The following UVRAG variants were observed in gnomAD, a reference collection of about 807,000 sequenced individuals.
The protein encoded by UVRAG is UV radiation resistance-associated gene protein.
Under a neutral mutation model 78.0 loss-of-function variants are expected in UVRAG, and 19 were observed. That is an observed-to-expected ratio of 0.24 (90% confidence interval 0.17 to 0.36). The LOEUF (loss-of-function observed/expected upper bound fraction) is 0.36. Ranked by LOEUF, UVRAG falls within the 10% of genes least tolerant of loss-of-function variation. The probability of loss-of-function intolerance (pLI) is 1.00; values close to 1 mark genes in which losing one functional copy is unlikely to be tolerated. For missense variants in UVRAG, 740 were observed against 853.8 expected (o/e 0.87, Z 1.66); for synonymous variants, 323 against 324.6 (o/e 1.00, Z 0.05).
intron 8 of UVRAG, among the ~76,000 whole-genome samples, chr11:75,989,199 C>T (rs1303694518): frequency 6.6e-6 from 1 of 152,044 alleles, no homozygotes; most frequent in African/African-American, 2.4e-5. Context: ...GGATTACAGG[C>T]GTGTACCACC....
At position 76,080,790 on chromosome 11, in the gene UVRAG, A is replaced by C. The variant is rs557557352; in HGVS notation, c.1305+15002A>C. Among the ~76,000 whole-genome samples, 14 of 152,306 alleles carry C rather than the reference A, an allele frequency of 9.2e-5. No individual in the cohort carries two copies. In the South Asian group the frequency reaches 2.9e-3, roughly 32 times the overall value. On this transcript the variant is annotated intron_variant, in intron 13 of 14. Transcript: ENST00000356136. The stretch of plus-strand genomic sequence containing the variant: ...TTGACAAAATCAGTGTTATTTTTTC[A>C]TACTTTGTAAAACACAGCTATATTC...
At chr11:75,968,451 T>A (rs1431488207) in intron 7 of UVRAG, among the ~76,000 whole-genome samples, 1 of 152,188 alleles carries the variant, frequency 6.6e-6, no homozygotes, top group Non-Finnish European at 1.5e-5. Flanking sequence ...TAGAACTAGA[T>A]CCCACATGGG....
chr11:75,966,390 G>A (rs1026343286), intron 7 of UVRAG, among the ~76,000 whole-genome samples: 1 of 152,148 alleles, frequency 6.6e-6, no homozygotes, highest in East Asian at 1.9e-4. Flanking sequence ...GATTATGGTA[G>A]CCTGGTAAAA....
At chr11:75,925,181 G>A (rs570495903) in intron 6 of UVRAG, among the ~76,000 whole-genome samples, 2 of 152,268 alleles carry the variant, frequency 1.3e-5, no homozygotes, top group South Asian at 4.1e-4. Flanking sequence ...ATTCCCGCTG[G>A]TGCCAGGCAT....
At chr11:76,034,907 A>T (rs1378391397) in intron 12 of UVRAG, among the ~76,000 whole-genome samples, 2 of 152,196 alleles carry the variant, frequency 1.3e-5, no homozygotes, top group African/African-American at 4.8e-5. Context: ...GTAGCTAGTT[A>T]TGGGAATTTA....
At chr11:76,128,168 G>A (rs535588091) in intron 14 of UVRAG, among the ~76,000 whole-genome samples, 1 of 152,192 alleles carries the variant, frequency 6.6e-6, no homozygotes, top group Non-Finnish European at 1.5e-5. Context: ...CAGGAGGTGA[G>A]TAGAGGATGA....
At chr11:75,887,061 G>T (rs764149152) in intron 4 of UVRAG, among the ~76,000 whole-genome samples, 1 of 151,650 alleles carries the variant, frequency 6.6e-6, no homozygotes. Context: ...CGCCTCCCGG[G>T]TTCAAACAAT....
intron 6 of UVRAG, among the ~76,000 whole-genome samples, chr11:75,920,084 G>A (rs1259668015): frequency 8.2e-6 from 1 of 122,006 alleles, no homozygotes; most frequent in African/African-American, 3.2e-5. Flanking sequence ...GGAGTGCAAT[G>A]GTGTGATTTT....
chr11:76,011,640 A>G (rs1317379932), intron 11 of UVRAG, among the ~76,000 whole-genome samples: 4 of 152,108 alleles, frequency 2.6e-5, no homozygotes, highest in South Asian at 2.1e-4. Context: ...AAAACAAACA[A>G]ATAAAATCTT....
rs376625028 is a variant in UVRAG at position 76,008,833 on chromosome 11, C to T, written c.1026C>T (p.Cys342=). ...ATGAACATAAGGATTACTTTGTATG[C>T]GGTGTCAAGTTGCCTAATTCTGAGG... ...DLNEHKDYFV[C]GVKLPNSEDF... Residue 342 remains cysteine, a synonymous_variant, in exon 11 of 15, where the codon TGC becomes TGT. Coordinates refer to ENST00000356136, the MANE Select transcript of UVRAG (RefSeq NM_003369.4). 4.1e-4 allele frequency: 606 copies of T among 1,491,998 alleles called. 3 individuals are homozygous for T. The African/African-American group carries it at 6.5e-3, about 16-fold the overall frequency. 92.4% of individuals were successfully genotyped at this position (1,491,998 alleles called of 1,614,324 possible).
At chr11:75,852,674 C>T (rs760595949) in intron 2 of UVRAG, among the ~76,000 whole-genome samples, 8 of 152,260 alleles carry the variant, frequency 5.3e-5, no homozygotes, top group Admixed American at 1.3e-4. Context: ...TCACTAGCTT[C>T]GTGACTTTTG....
chr11:75,945,003 C>G (rs1265945544), intron 6 of UVRAG, among the ~76,000 whole-genome samples: 1 of 152,060 alleles, frequency 6.6e-6, no homozygotes, highest in Non-Finnish European at 1.5e-5. Flanking sequence ...CATGTAGTGT[C>G]TACAATGAGA....
intron 7 of UVRAG, among the ~76,000 whole-genome samples, chr11:75,981,146 C>G (rs1445338932): frequency 6.6e-6 from 1 of 151,218 alleles, no homozygotes; most frequent in East Asian, 2.0e-4. Flanking sequence ...GAGTCTTGCC[C>G]TGTCGCCCAG....
At position 75,953,712 on chromosome 11, in the gene UVRAG, C is replaced by T. The variant is rs141945878; in HGVS notation, c.594-7732C>T. Among the ~76,000 whole-genome samples, 10 of 152,120 alleles carry T rather than the reference C, an allele frequency of 6.6e-5. No homozygotes were observed. The East Asian group carries it at 9.7e-4, about 15-fold the overall frequency. On this transcript the variant is annotated intron_variant, in intron 6 of 14. Coordinates refer to ENST00000356136, the MANE Select transcript of UVRAG (RefSeq NM_003369.4). ...ATTTTTTTTATTCAATGTATCTTTA[C>T]GTTCACAGAAATATATAGCCTCAAA...
At chr11:75,853,531 T>C (rs987683507) in intron 2 of UVRAG, among the ~76,000 whole-genome samples, 1 of 151,818 alleles carries the variant, frequency 6.6e-6, no homozygotes, top group African/African-American at 2.4e-5. Flanking sequence ...TGGCTAACTT[T>C]TGTATTTTTG....
chr11:75,880,658 G>A (rs1173774210), intron 4 of UVRAG, among the ~76,000 whole-genome samples: 2 of 152,058 alleles, frequency 1.3e-5, no homozygotes, highest in Non-Finnish European at 2.9e-5. Flanking sequence ...AAGTTCAAGC[G>A]ATTCTCCTGC....
intron 5 of UVRAG, among the ~76,000 whole-genome samples, chr11:75,890,080 A>T (rs573564170): frequency 6.6e-6 from 1 of 152,214 alleles, no homozygotes; most frequent in South Asian, 2.1e-4. Flanking sequence ...GACTAAAGGA[A>T]GGTCAGAGTG....
intron 13 of UVRAG, 74 bp from the exon 14 acceptor site, chr11:76,115,850 T>C: frequency 2.2e-6 from 3 of 1,336,114 alleles, no homozygotes; most frequent in Non-Finnish European, 3.2e-6. Flanking sequence ...AAAAAATAAC[T>C]TGTTTAGTGG....
chr11:75,919,988 T>A (rs1432909525), intron 6 of UVRAG, among the ~76,000 whole-genome samples: 3 of 145,876 alleles, frequency 2.1e-5, no homozygotes, highest in Non-Finnish European at 4.5e-5. Flanking sequence ...TCAATCAAAA[T>A]TTAAAATAAA....
Sources: gnomAD v4.1 joint callset for allele counts (sites outside exome capture counted in the v4.1 genomes callset) on GRCh38, gnomAD v4.1.1 for gene constraint, MANE v1.5 for transcripts, NCBI Gene and HGNC (gene_info 2026-07-23, HGNC 2026-07-21) for gene names.